The following CDH18 variants were observed in gnomAD, a reference collection of about 807,000 sequenced individuals.
CDH18 encodes cadherin-18.
A neutral mutation model predicts 67.9 loss-of-function variants in CDH18; 31 were observed. That is an observed-to-expected ratio of 0.46 (90% confidence interval 0.34 to 0.62). The LOEUF (loss-of-function observed/expected upper bound fraction) is 0.62, where lower values mean the gene tolerates loss of function less well. Among genes scored for constraint, CDH18 ranks in the 20% least tolerant of loss-of-function variants. The pLI, the probability that CDH18 is intolerant of heterozygous loss-of-function variation, is 0.01. For synonymous variants in CDH18, 362 were observed against 347.2 expected, an observed-to-expected ratio of 1.04 and a Z score of -0.48; for missense variants, 890 against 975.5, an observed-to-expected ratio of 0.91 and a Z score of 1.17.
At chr5:19,738,331 A>T (rs1005225624) in intron 4 of CDH18, among the ~76,000 whole-genome samples, 1 of 152,210 alleles carries the variant, frequency 6.6e-6, no homozygotes, top group African/African-American at 2.4e-5. Context: ...TAAAAAAGAC[A>T]TTCTCTACTT....
At chr5:20,176,162 T>C (rs1472685131) in intron 2 of CDH18, among the ~76,000 whole-genome samples, 2 of 152,168 alleles carry the variant, frequency 1.3e-5, no homozygotes, top group Non-Finnish European at 2.9e-5. Context: ...CAGTTTTACA[T>C]GCATGCTCAA....
At chr5:20,109,501 G>A (rs754495775) in intron 2 of CDH18, among the ~76,000 whole-genome samples, 2 of 152,174 alleles carry the variant, frequency 1.3e-5, no homozygotes, top group Non-Finnish European at 2.9e-5. Flanking sequence ...CCAGAGGAAC[G>A]TGGCTCCGGG....
At chr5:19,739,466 G>A (rs957105142) in intron 4 of CDH18, among the ~76,000 whole-genome samples, 15 of 152,148 alleles carry the variant, frequency 9.9e-5, no homozygotes, top group African/African-American at 3.6e-4. Context: ...CACCTGCGCT[G>A]TTCGAGCTCC....
chr5:20,376,190 T>G (rs1580858631), intron 1 of CDH18, among the ~76,000 whole-genome samples: 1 of 144,198 alleles, frequency 6.9e-6, no homozygotes, highest in East Asian at 2.3e-4. Flanking sequence ...GCCTCCCGGG[T>G]TCACGCCATT....
At chr5:19,695,178 CTG>C (rs1762386714) in intron 5 of CDH18, among the ~76,000 whole-genome samples, 1 of 152,078 alleles carries the variant, frequency 6.6e-6, no homozygotes, top group African/African-American at 2.4e-5. Flanking sequence ...TTCCAGATCT[CTG>C]TGTGTGTGCA....
intron 3 of CDH18, among the ~76,000 whole-genome samples, chr5:19,829,054 A>G (rs2149984293): frequency 6.6e-6 from 1 of 152,212 alleles, no homozygotes; most frequent in East Asian, 1.9e-4. Flanking sequence ...AAATTAATTA[A>G]TTAATAAGTA....
At chr5:20,116,709 A>C (rs1303279670) in intron 2 of CDH18, among the ~76,000 whole-genome samples, 1 of 152,176 alleles carries the variant, frequency 6.6e-6, no homozygotes, top group Non-Finnish European at 1.5e-5. Flanking sequence ...AAAAAATAAA[A>C]TATACCATAA....
intron 2 of CDH18, among the ~76,000 whole-genome samples, chr5:20,131,523 C>G (rs1210283208): frequency 6.6e-6 from 1 of 151,966 alleles, no homozygotes. Context: ...AAAAGCAAAA[C>G]AAATTGCAGG....
rs78791638 is a variant in CDH18, at chr5:20,083,103, T to C, written c.-517-91089A>G. The stretch of plus-strand genomic sequence containing the variant: ...CAGGTGGGGTACAATGATAAAACAA[T>C]TAATGAACTAAGAAAGGGTCATAGC... On this transcript the variant is annotated intron_variant, in intron 2 of 14. Coordinates refer to the CDH18 transcript ENST00000507958. Among the ~76,000 whole-genome samples, 302 of 152,294 alleles carry C rather than the reference T, an allele frequency of 2.0e-3. 5 individuals are homozygous for C. The East Asian group carries it at 0.052, about 26-fold the overall frequency.
chr5:19,489,479 C>A (rs1741006639), intron 11 of CDH18, among the ~76,000 whole-genome samples: 1 of 151,964 alleles, frequency 6.6e-6, no homozygotes, highest in South Asian at 2.1e-4. Flanking sequence ...AAACTCCTGA[C>A]CTTGTGATCT....
At chr5:19,836,730 T>C (rs1781686570) in intron 3 of CDH18, among the ~76,000 whole-genome samples, 1 of 152,190 alleles carries the variant, frequency 6.6e-6, no homozygotes, top group African/African-American at 2.4e-5. Context: ...GTTTTAGTCA[T>C]GAAGTCTTTG....
chr5:19,983,849 A>G (rs1799299903), intron 1 of CDH18, among the ~76,000 whole-genome samples: 1 of 152,212 alleles, frequency 6.6e-6, no homozygotes, highest in African/African-American at 2.4e-5. Flanking sequence ...TTTGTCATTT[A>G]AAAAGATTGT....
chr5:19,540,297 G>A (rs940515814), intron 9 of CDH18, among the ~76,000 whole-genome samples: 1 of 152,060 alleles, frequency 6.6e-6, no homozygotes, highest in African/African-American at 2.4e-5. Context: ...CCACCCCTGT[G>A]GCTTTGCAGG....
chr5:19,995,260 C>T (rs946986724), intron 2 of CDH18, among the ~76,000 whole-genome samples: 6 of 151,986 alleles, frequency 3.9e-5, no homozygotes, highest in Non-Finnish European at 5.9e-5. Flanking sequence ...TAAACCATCA[C>T]GCCTATTTCT....
chr5:19,958,305 A>G (rs778937756), intron 2 of CDH18, among the ~76,000 whole-genome samples: 5 of 149,440 alleles, frequency 3.3e-5, no homozygotes, highest in Non-Finnish European at 7.4e-5. Context: ...AACTTGTATT[A>G]TATCCAGCTT....
At chr5:19,699,642 C>G (rs58703414) in intron 5 of CDH18, among the ~76,000 whole-genome samples, 79,801 of 142,250 alleles carry the variant, frequency 0.56, 24,773 homozygotes, top group East Asian at 0.72. Context: ...GTGTGTGTGT[C>G]TGTGTGTGTG....
chr5:20,486,681 G>A (rs145474397), intron 1 of CDH18, among the ~76,000 whole-genome samples: 3 of 122,620 alleles, frequency 2.4e-5, no homozygotes, highest in Non-Finnish European at 5.1e-5. Context: ...TGCTATTTTT[G>A]TATATATATA....
chr5:20,354,319 A>C (rs1167490521), intron 1 of CDH18, among the ~76,000 whole-genome samples: 1 of 152,220 alleles, frequency 6.6e-6, no homozygotes, highest in Non-Finnish European at 1.5e-5. Flanking sequence ...ACATACGTTA[A>C]ATTTAGCAAA....
intron 2 of CDH18, among the ~76,000 whole-genome samples, chr5:19,847,039 T>G (rs1255064719): frequency 2.0e-5 from 3 of 151,824 alleles, no homozygotes; most frequent in Non-Finnish European, 4.4e-5. Context: ...ATGAGTCACT[T>G]TTCTTTTGTT....
Sources: gnomAD v4.1 joint callset for allele counts (sites outside exome capture counted in the v4.1 genomes callset) on GRCh38, gnomAD v4.1.1 for gene constraint, MANE v1.5 for transcripts, NCBI Gene and HGNC (gene_info 2026-07-23, HGNC 2026-07-21) for gene names.